The following BCKDHB variants were observed in gnomAD, a reference collection of about 807,000 sequenced individuals.
BCKDHB encodes branched chain keto acid dehydrogenase E1 subunit beta, also known as 2-oxoisovalerate dehydrogenase subunit beta, mitochondrial.
A neutral mutation model predicts 48.5 loss-of-function variants in BCKDHB; 41 were observed. The observed-to-expected ratio is 0.85, with a 90% CI of 0.66 to 1.10. BCKDHB has a LOEUF of 1.10. Ranked by LOEUF, BCKDHB falls within the 50% of genes least tolerant of loss-of-function variation. The pLI is 0.00. For synonymous variants in BCKDHB, 201 were observed against 174.8 expected (o/e 1.15, Z -1.18); for missense variants, 496 against 494.2 (o/e 1.00, Z -0.03).
intron 8 of BCKDHB, among the ~76,000 whole-genome samples, chr6:80,249,792 A>G (rs1336983561): frequency 2.0e-5 from 3 of 152,212 alleles, no homozygotes; most frequent in Admixed American, 6.5e-5. Context: ...GCAAAAGAAT[A>G]TAAAAGTAAC....
intron 9 of BCKDHB, among the ~76,000 whole-genome samples, chr6:80,274,532 A>G (rs377241308): frequency 6.6e-6 from 1 of 152,042 alleles, no homozygotes; most frequent in African/African-American, 2.4e-5. Context: ...TTTCTGACTT[A>G]TAGTTAATAT....
chr6:80,189,890 A>G (rs1244731845), intron 6 of BCKDHB, among the ~76,000 whole-genome samples: 2 of 152,146 alleles, frequency 1.3e-5, no homozygotes, highest in East Asian at 1.9e-4. Context: ...TAGCTAATTT[A>G]TATATCTTTA....
At chr6:80,305,267 C>A (rs1322690522) in intron 9 of BCKDHB, among the ~76,000 whole-genome samples, 6 of 151,826 alleles carry the variant, frequency 4.0e-5, no homozygotes, top group African/African-American at 1.5e-4. Flanking sequence ...TCATTTGAGA[C>A]CTTTATGGAA....
intron 8 of BCKDHB, among the ~76,000 whole-genome samples, chr6:80,244,337 C>G (rs1329085242): frequency 6.6e-6 from 1 of 152,184 alleles, no homozygotes; most frequent in Non-Finnish European, 1.5e-5. Flanking sequence ...GAAGTAATAA[C>G]TAGGCAATGA....
chr6:80,334,738 T>C (rs959184566), intron 9 of BCKDHB, among the ~76,000 whole-genome samples: 1 of 152,054 alleles, frequency 6.6e-6, no homozygotes, highest in African/African-American at 2.4e-5. Flanking sequence ...TCTTGTCTTT[T>C]TTATGTTTAG....
intron 9 of BCKDHB, among the ~76,000 whole-genome samples, chr6:80,313,423 C>T (rs548673950): frequency 3.9e-5 from 6 of 152,190 alleles, no homozygotes; most frequent in African/African-American, 7.2e-5. Flanking sequence ...TGCAGTGGCG[C>T]GATCTCAGCT....
At chr6:80,121,542 C>T (rs1650809069) in intron 1 of BCKDHB, among the ~76,000 whole-genome samples, 1 of 152,118 alleles carries the variant, frequency 6.6e-6, no homozygotes, top group Admixed American at 6.6e-5. Context: ...TTTTGTTGAG[C>T]AGTGGTTTGT....
intron 8 of BCKDHB, among the ~76,000 whole-genome samples, chr6:80,257,083 C>T (rs1473044681): frequency 6.6e-6 from 1 of 152,050 alleles, no homozygotes; most frequent in Admixed American, 6.6e-5. Flanking sequence ...TTATGTGAGA[C>T]TTCTTTAAAA....
the BCKDHB span, among the ~76,000 whole-genome samples, chr6:80,461,655 C>T: frequency 2.6e-5 from 4 of 152,138 alleles, no homozygotes; most frequent in Admixed American, 1.3e-4. Context: ...TAGTGTTTTC[C>T]ATCTTTCCTC....
chr6:80,362,491 T>C, the BCKDHB span, among the ~76,000 whole-genome samples: 4,851 of 152,266 alleles, frequency 0.032, 278 homozygotes, highest in African/African-American at 0.11. Flanking sequence ...ACCCAGAGTG[T>C]CTTTTCTTGT....
Position 80,273,057 on chromosome 6 carries a change from T to C in BCKDHB, c.952-78T>C, listed in dbSNP as rs1159617560. ...TTATTGAATGTATATAATTTACTTTTATTACTGATTTAAAACTACCATCAT... is the reference window on the plus strand; with the variant it reads ...TTATTGAATGTATATAATTTACTTTCATTACTGATTTAAAACTACCATCAT... On this transcript the variant is annotated intron_variant, in intron 8 of 9. Coordinates refer to ENST00000320393, the MANE Select transcript of BCKDHB (RefSeq NM_183050.4). The C allele has an allele frequency of 8.3e-6, 9 of 1,084,542 alleles. No homozygotes were observed. In the East Asian group the frequency reaches 2.3e-4, roughly 28 times the overall value. 67.2% of individuals were successfully genotyped at this position (1,084,542 alleles called of 1,614,324 possible).
chr6:80,424,074 T>A, the BCKDHB span, among the ~76,000 whole-genome samples: 3 of 152,136 alleles, frequency 2.0e-5, no homozygotes, highest in African/African-American at 7.2e-5. Context: ...AAAGTGAGAG[T>A]GTGTCAGAAA....
At position 80,282,164 on chromosome 6, in the gene BCKDHB, T is replaced by A. The variant is rs184308732; in HGVS notation, c.1038+8943T>A. ...TTTATTTAAAGGGTCAGAAACAGATTAGTTTTATAACTATAGCCAGCAAAC... is the reference window on the plus strand; with the variant it reads ...TTTATTTAAAGGGTCAGAAACAGATAAGTTTTATAACTATAGCCAGCAAAC... On this transcript the variant is annotated intron_variant, in intron 9 of 9. Coordinates refer to ENST00000320393, the MANE Select transcript of BCKDHB (RefSeq NM_183050.4). Among the ~76,000 whole-genome samples the A allele has an allele frequency of 1.5e-4, 23 of 152,286 alleles. No individual in the cohort carries two copies. In the East Asian group the frequency reaches 4.4e-3, roughly 29 times the overall value.
the BCKDHB span, among the ~76,000 whole-genome samples, chr6:80,371,032 A>G: frequency 6.6e-6 from 1 of 152,010 alleles, no homozygotes; most frequent in Non-Finnish European, 1.5e-5. Flanking sequence ...ATCAAATGGT[A>G]TATCTGCTTT....
At chr6:80,269,257 T>C (rs1031966406) in intron 8 of BCKDHB, among the ~76,000 whole-genome samples, 1 of 152,120 alleles carries the variant, frequency 6.6e-6, no homozygotes, top group Non-Finnish European at 1.5e-5. Flanking sequence ...CCTTGATATA[T>C]CTGCCTTTGG....
intron 2 of BCKDHB, 104 bp from the exon 3 acceptor site, chr6:80,129,057 T>C: frequency 1.1e-6 from 1 of 889,682 alleles, no homozygotes; most frequent in East Asian, 2.7e-5. Context: ...GGTCCATTTA[T>C]CTTTTGTGAT....
the BCKDHB span, among the ~76,000 whole-genome samples, chr6:80,402,715 T>C: frequency 1.3e-3 from 200 of 152,030 alleles, 1 homozygote; most frequent in African/African-American, 4.7e-3. Context: ...CTATGTATTC[T>C]TCTAGAAGTT....
chr6:80,441,962 A>G, the BCKDHB span, among the ~76,000 whole-genome samples: 2 of 152,216 alleles, frequency 1.3e-5, no homozygotes, highest in Non-Finnish European at 2.9e-5. Flanking sequence ...CAAAGAACAA[A>G]TATAGCGTGC....
chr6:80,452,283 C>T, the BCKDHB span, among the ~76,000 whole-genome samples: 1 of 152,164 alleles, frequency 6.6e-6, no homozygotes, highest in African/African-American at 2.4e-5. Context: ...CCCTGCAAAT[C>T]ACATGGCAAA....
Sources: gnomAD v4.1 joint callset for allele counts (sites outside exome capture counted in the v4.1 genomes callset) on GRCh38, gnomAD v4.1.1 for gene constraint, MANE v1.5 for transcripts, NCBI Gene and HGNC (gene_info 2026-07-23, HGNC 2026-07-21) for gene names.